The following PEX7 variants were observed in gnomAD, a reference collection of about 807,000 sequenced individuals.
PEX7 encodes PTS2 receptor.
In PEX7, 34 loss-of-function variants were observed where a neutral mutation model predicts 47.5. The observed-to-expected ratio is 0.72, with a 90% CI of 0.54 to 0.95. The LOEUF is 0.95. Ranked by LOEUF, PEX7 falls within the 40% of genes least tolerant of loss-of-function variation. PEX7 has a pLI of 0.00. For missense variants in PEX7, 394 were observed against 400.3 expected (o/e 0.98, Z 0.13); for synonymous variants, 141 against 148.8 (o/e 0.95, Z 0.38).
intron 5 of PEX7, among the ~76,000 whole-genome samples, chr6:136,851,007 T>C (rs1179297286): frequency 2.1e-5 from 3 of 142,238 alleles, no homozygotes; most frequent in African/African-American, 5.2e-5. Context: ...AATTTTTTTT[T>C]TTTTTATTAT....
intron 8 of PEX7, among the ~76,000 whole-genome samples, chr6:136,897,131 C>G (rs1775665813): frequency 6.6e-6 from 1 of 152,132 alleles, no homozygotes; most frequent in Non-Finnish European, 1.5e-5. Flanking sequence ...AGCGACAACC[C>G]TTTTCAAAAC....
intron 5 of PEX7, among the ~76,000 whole-genome samples, chr6:136,865,187 A>G (rs945863139): frequency 2.0e-5 from 3 of 152,152 alleles, no homozygotes; most frequent in Non-Finnish European, 4.4e-5. Context: ...ATGGTGGCTC[A>G]TACCTGTAAT....
At chr6:136,877,039 T>C (rs1281512341) in intron 8 of PEX7, among the ~76,000 whole-genome samples, 2 of 152,208 alleles carry the variant, frequency 1.3e-5, no homozygotes, top group African/African-American at 4.8e-5. Context: ...TTCTAACTGT[T>C]GTGAGGTGGT....
chr6:136,853,525 C>T (rs1259495851), intron 5 of PEX7, among the ~76,000 whole-genome samples: 3 of 152,072 alleles, frequency 2.0e-5, no homozygotes, highest in Non-Finnish European at 2.9e-5. Flanking sequence ...GATTGGCTTT[C>T]TTAGGAAATA....
chr6:136,880,372 T>C (rs1178847642), intron 8 of PEX7, among the ~76,000 whole-genome samples: 1 of 152,132 alleles, frequency 6.6e-6, no homozygotes, highest in East Asian at 1.9e-4. Context: ...TAATCTTTAT[T>C]ATGCCTTTTT....
At chr6:136,850,969 CTTT>C (rs200796690) in intron 5 of PEX7, among the ~76,000 whole-genome samples, 1 of 72,428 alleles carries the variant, frequency 1.4e-5, no homozygotes, top group African/African-American at 5.2e-5. Context: ...TTTCTGCTGT[CTTT>C]TTTTTTTATT....
rs886061123 is a variant in PEX7 at position 136,913,825 on chromosome 6, GTTATAC to G, written c.*305_*310del. 17 of 329,984 alleles carry G rather than the reference GTTATAC, an allele frequency of 5.2e-5. No individual in the cohort carries two copies. Among genetic ancestry groups the G allele is most frequent in the Middle Eastern group, 8.8e-4 (1 of 1,140 alleles). The allele number at this position is 329,984 out of a possible 1,614,324, so 20.4% of individuals were successfully genotyped here. A position where few individuals can be genotyped will look rare whatever the true frequency, so the allele number is the denominator to read the frequency against. ...GGATTAAAATATGGGAGATCAGTAG[GTTATAC>G]TTATATAGATAGTGATATATTTCAT... On this transcript the variant is annotated 3_prime_UTR_variant, in exon 10 of 10. Transcript: ENST00000318471.
In PEX7 at chr6:136,822,705, A is replaced by G; in HGVS notation, c.40A>G (p.Thr14Ala). The G allele has an allele frequency of 2.6e-6, 4 of 1,517,438 alleles. No individual in the cohort carries two copies. The highest frequency in any genetic ancestry group is 3.5e-6 in the Non-Finnish European group (4 of 1,139,532). 94.0% of individuals were successfully genotyped at this position (1,517,438 alleles called of 1,614,324 possible). Reference protein sequence around the residue: ...VCGGAARMLRTPGRHGYAAEF... With the variant: ...VCGGAARMLRAPGRHGYAAEF... ...CGGTGGAGCGGCGCGGATGCTGCGG[A>G]CGCCGGGACGCCACGGCTACGCCGC... is the stretch of plus-strand genomic sequence containing the variant. Residue 14 changes from threonine to alanine, a missense_variant, in exon 1 of 10, where the codon ACG becomes GCG. Physicochemically the swap from Thr to Ala is moderately conservative, Grantham distance 58. Coordinates refer to ENST00000318471, the MANE Select transcript of PEX7 (RefSeq NM_000288.4).
intron 3 of PEX7, among the ~76,000 whole-genome samples, chr6:136,836,019 A>G (rs1193362485): frequency 6.6e-6 from 1 of 152,206 alleles, no homozygotes; most frequent in African/African-American, 2.4e-5. Context: ...TGTCAACACT[A>G]TGCATGTCTC....
chr6:136,854,133 A>G (rs10457015), intron 5 of PEX7, among the ~76,000 whole-genome samples: 4,367 of 152,248 alleles, frequency 0.029, 167 homozygotes, highest in South Asian at 0.19. Context: ...CAATATTAAT[A>G]TATTTAATTT....
intron 3 of PEX7, among the ~76,000 whole-genome samples, chr6:136,837,658 T>G (rs1052735574): frequency 6.6e-6 from 1 of 152,114 alleles, no homozygotes; most frequent in African/African-American, 2.4e-5. Flanking sequence ...TGAGCAGGAA[T>G]GCAAGATATC....
intron 8 of PEX7, among the ~76,000 whole-genome samples, chr6:136,890,232 T>C (rs984138241): frequency 2.0e-5 from 3 of 152,260 alleles, no homozygotes; most frequent in African/African-American, 7.2e-5. Flanking sequence ...CAGAGTCCCT[T>C]ATCTTTCTCC....
At chr6:136,838,807 A>G (rs937659768) in intron 3 of PEX7, among the ~76,000 whole-genome samples, 5 of 152,182 alleles carry the variant, frequency 3.3e-5, no homozygotes, top group Admixed American at 2.6e-4. Context: ...AAGGTGTGTA[A>G]TGGGTGCCTG....
intron 8 of PEX7, among the ~76,000 whole-genome samples, chr6:136,893,202 C>CTTTTTTTTTT (rs1487406339): frequency 6.6e-6 from 1 of 150,454 alleles, no homozygotes; most frequent in Non-Finnish European, 1.5e-5. Context: ...CTTTTTTTTT[C>CTTTTTTTTTT]TTTTTTTAAA....
At chr6:136,866,357 C>T (rs1775071969) in intron 5 of PEX7, among the ~76,000 whole-genome samples, 1 of 152,066 alleles carries the variant, frequency 6.6e-6, no homozygotes, top group Non-Finnish European at 1.5e-5. Context: ...GAACACACAC[C>T]AGCTGTGTGT....
At chr6:136,911,932 C>G (rs1158451929) in intron 9 of PEX7, among the ~76,000 whole-genome samples, 2 of 152,132 alleles carry the variant, frequency 1.3e-5, no homozygotes, top group Non-Finnish European at 2.9e-5. Flanking sequence ...CACAGCTGTT[C>G]CACATCCCTG....
chr6:136,893,270 A>T (rs949515187), intron 8 of PEX7, among the ~76,000 whole-genome samples: 1 of 151,830 alleles, frequency 6.6e-6, no homozygotes, highest in African/African-American at 2.4e-5. Flanking sequence ...GGCCCTGCTT[A>T]CGTCCTGGAA....
At chr6:136,868,833 G>A (rs1475663618) in intron 6 of PEX7, among the ~76,000 whole-genome samples, 1 of 151,984 alleles carries the variant, frequency 6.6e-6, no homozygotes, top group Non-Finnish European at 1.5e-5. Context: ...GGACCTCTGG[G>A]TTCACTTGGG....
At chr6:136,879,856 A>G (rs1775346911) in intron 8 of PEX7, among the ~76,000 whole-genome samples, 1 of 151,720 alleles carries the variant, frequency 6.6e-6, no homozygotes, top group African/African-American at 2.4e-5. Context: ...TGTTGTCCTC[A>G]ATGCCCTTAT....
Sources: allele counts gnomAD v4.1 joint callset (sites outside exome capture counted in the v4.1 genomes callset), GRCh38; gene constraint gnomAD v4.1.1; transcripts MANE v1.5; gene names NCBI Gene and HGNC (gene_info 2026-07-23, HGNC 2026-07-21).